The following LHFPL3 variants were observed in gnomAD, a reference collection of about 807,000 sequenced individuals.
LHFPL3 encodes LHFPL tetraspan subfamily member 3.
A neutral mutation model predicts 19.3 loss-of-function variants in LHFPL3; 5 were observed. The observed-to-expected ratio is 0.26, with a 90% CI of 0.14 to 0.54. The LOEUF is 0.54. Ranked by LOEUF, LHFPL3 falls within the 20% of genes least tolerant of loss-of-function variation. The probability of loss-of-function intolerance (pLI) is 0.94; values close to 1 mark genes in which losing one functional copy is unlikely to be tolerated. For synonymous variants in LHFPL3, 133 were observed against 126.2 expected (o/e 1.05, Z -0.36); for missense variants, 249 against 307.4 (o/e 0.81, Z 1.42).
At chr7:104,611,954 C>T (rs3919550) in intron 1 of LHFPL3, among the ~76,000 whole-genome samples, 138,051 of 152,216 alleles carry the variant, frequency 0.91, 63,048 homozygotes, top group Non-Finnish European at 0.96. Context: ...TTCTGTGTAA[C>T]TCATACAGCT....
intron 1 of LHFPL3, among the ~76,000 whole-genome samples, chr7:104,450,395 A>T (rs1254707728): frequency 1.3e-5 from 2 of 152,216 alleles, no homozygotes; most frequent in African/African-American, 4.8e-5. Flanking sequence ...CATAGTGTAT[A>T]TGTACCACAT....
At chr7:104,579,486 A>G (rs1247582056) in intron 1 of LHFPL3, among the ~76,000 whole-genome samples, 2 of 152,178 alleles carry the variant, frequency 1.3e-5, no homozygotes, top group African/African-American at 4.8e-5. Context: ...AGCAAAGAAT[A>G]TGGTTTCATT....
chr7:104,878,589 G>C (rs1369232866), intron 2 of LHFPL3, among the ~76,000 whole-genome samples: 1 of 152,070 alleles, frequency 6.6e-6, no homozygotes, highest in Admixed American at 6.5e-5. Flanking sequence ...CCTATTCCAT[G>C]AGATACAACA....
At chr7:104,672,088 T>TG (rs59781990) in intron 1 of LHFPL3, among the ~76,000 whole-genome samples, 3 of 150,020 alleles carry the variant, frequency 2.0e-5, no homozygotes, top group Non-Finnish European at 3.0e-5. Flanking sequence ...TGTGTGTGTG[T>TG]TTGCAATGGT....
At chr7:104,369,449 C>A (rs536875046) in intron 1 of LHFPL3, among the ~76,000 whole-genome samples, 1 of 152,288 alleles carries the variant, frequency 6.6e-6, no homozygotes, top group African/African-American at 2.4e-5. Context: ...ATAAACACAG[C>A]ATATTTTGTT....
chr7:104,828,209 G>C (rs1186739633), intron 2 of LHFPL3, among the ~76,000 whole-genome samples: 2 of 151,884 alleles, frequency 1.3e-5, no homozygotes, highest in Non-Finnish European at 1.5e-5. Context: ...CCCAGCCTCA[G>C]CCTCTATATG....
At chr7:104,833,055 T>TA (rs1439807646) in intron 2 of LHFPL3, among the ~76,000 whole-genome samples, 4 of 33,392 alleles carry the variant, frequency 1.2e-4, no homozygotes, top group African/African-American at 2.7e-4. Context: ...TATATATATA[T>TA]TATATATAAT....
intron 2 of LHFPL3, among the ~76,000 whole-genome samples, chr7:104,813,975 G>A (rs1453721447): frequency 2.6e-5 from 4 of 152,310 alleles, no homozygotes; most frequent in South Asian, 2.1e-4. Flanking sequence ...AGCTCTTTTA[G>A]CCTCACCATT....
At chr7:104,551,614 A>G (rs1794664068) in intron 1 of LHFPL3, among the ~76,000 whole-genome samples, 1 of 152,268 alleles carries the variant, frequency 6.6e-6, no homozygotes, top group African/African-American at 2.4e-5. Flanking sequence ...TATAGTATTA[A>G]TAGTAATAAT....
intron 1 of LHFPL3, among the ~76,000 whole-genome samples, chr7:104,602,502 A>G (rs1325086240): frequency 1.3e-5 from 2 of 152,206 alleles, no homozygotes; most frequent in Admixed American, 6.5e-5. Context: ...GTGTATGTCC[A>G]TGTCCTGTAA....
At chr7:104,416,375 A>G (rs1791622810) in intron 1 of LHFPL3, among the ~76,000 whole-genome samples, 1 of 152,194 alleles carries the variant, frequency 6.6e-6, no homozygotes, top group African/African-American at 2.4e-5. Context: ...TGTTGAAGCC[A>G]ACAAATTTCT....
At chr7:104,846,000 T>C (rs1353411196) in intron 2 of LHFPL3, among the ~76,000 whole-genome samples, 2 of 152,182 alleles carry the variant, frequency 1.3e-5, no homozygotes, top group African/African-American at 4.8e-5. Context: ...TGTGTACACA[T>C]ATGTATGCGA....
rs34477587 is a variant in LHFPL3 at position 104,819,377 on chromosome 7, G to GAA, written c.682+82483_682+82484dup. ...CATTCCTCTTGCCCATTTAGATCTG[G>GAA]AAAAAAAAAAAAAAAAAACCTGCTG... is the stretch of plus-strand genomic sequence containing the variant. On this transcript the variant is annotated intron_variant, in intron 2 of 2. Coordinates refer to ENST00000424859, the MANE Select transcript of LHFPL3 (RefSeq NM_199000.3). 2.1e-3 allele frequency among the ~76,000 whole-genome samples: 269 copies of GAA among 125,870 alleles called. 3 individuals carry two copies. The Middle Eastern group carries it at 0.025, about 12-fold the overall frequency. The allele number at this position is 125,870 out of a possible 152,430, so 82.6% of individuals were successfully genotyped here.
Position 104,524,907 on chromosome 7 carries a change from G to T in LHFPL3, c.445+195683G>T, listed in dbSNP as rs183902357. On this transcript the variant is annotated intron_variant, in intron 1 of 2. Coordinates refer to ENST00000424859, the MANE Select transcript of LHFPL3 (RefSeq NM_199000.3). ...TTTTTATTCATTTTTTTCTGGTTTGGCTTCTGCATTGCTTCAAACCACTGA... is the reference window on the plus strand; with the variant it reads ...TTTTTATTCATTTTTTTCTGGTTTGTCTTCTGCATTGCTTCAAACCACTGA... 2.1e-4 allele frequency among the ~76,000 whole-genome samples: 32 copies of T among 152,188 alleles called. 1 individual carries two copies. Among genetic ancestry groups the T allele is most frequent in the Admixed American group, 2.0e-3 (30 of 15,284 alleles).
At chr7:104,777,930 T>A (rs1344262857) in intron 2 of LHFPL3, among the ~76,000 whole-genome samples, 2 of 152,112 alleles carry the variant, frequency 1.3e-5, no homozygotes, top group Non-Finnish European at 2.9e-5. Context: ...TTCACCAGTT[T>A]CTTATTGGCC....
In LHFPL3 at chr7:104,709,166, AT is replaced by A. The variant is rs550156991; in HGVS notation, c.446-27500del. ...GCTGCCAGTTATTTTTAGGGATGTCATTTTTTTTTATTACTATCATAATTTT... is the reference window on the plus strand; with the variant it reads ...GCTGCCAGTTATTTTTAGGGATGTCATTTTTTTTATTACTATCATAATTTT... On this transcript the variant is annotated intron_variant, in intron 1 of 2. Coordinates refer to ENST00000424859, the MANE Select transcript of LHFPL3 (RefSeq NM_199000.3). 2.0e-3 allele frequency among the ~76,000 whole-genome samples: 304 copies of A among 150,394 alleles called. 3 individuals are homozygous for A. The South Asian group carries it at 0.031, about 15-fold the overall frequency.
intron 1 of LHFPL3, among the ~76,000 whole-genome samples, chr7:104,549,444 A>G (rs1327453172): frequency 1.1e-5 from 1 of 93,108 alleles, no homozygotes; most frequent in African/African-American, 3.9e-5. Flanking sequence ...CATGCCCTTA[A>G]CCCAACACAC....
intron 1 of LHFPL3, among the ~76,000 whole-genome samples, chr7:104,564,949 C>T (rs927138379): frequency 1.3e-5 from 2 of 152,162 alleles, no homozygotes; most frequent in African/African-American, 4.8e-5. Flanking sequence ...ATGCTCACTG[C>T]TCCCATCAGC....
intron 1 of LHFPL3, among the ~76,000 whole-genome samples, chr7:104,654,036 T>C (rs1003933759): frequency 6.6e-6 from 1 of 152,172 alleles, no homozygotes; most frequent in African/African-American, 2.4e-5. Context: ...GCACCTAAGG[T>C]CTACCCATTC....
Sources: gnomAD v4.1 joint callset for allele counts (sites outside exome capture counted in the v4.1 genomes callset) on GRCh38, gnomAD v4.1.1 for gene constraint, MANE v1.5 for transcripts, NCBI Gene and HGNC (gene_info 2026-07-23, HGNC 2026-07-21) for gene names.